TM7SF3: variants seen among roughly 807,000 people sequenced by gnomAD.
The protein encoded by TM7SF3 is transmembrane 7 superfamily member 3, also known as seven span transmembrane protein.
TM7SF3 carries 60 observed loss-of-function variants against 65.5 expected under a neutral mutation model. The observed-to-expected ratio is 0.92, with a 90% CI of 0.74 to 1.14. The LOEUF (loss-of-function observed/expected upper bound fraction) is 1.14. TM7SF3 is among the 50% of genes most tolerant of loss of function. The probability of loss-of-function intolerance (pLI) is 0.00; values close to 1 mark genes in which losing one functional copy is unlikely to be tolerated. For missense variants in TM7SF3, 623 were observed against 684.8 expected, an observed-to-expected ratio of 0.91 and a Z score of 1.01; for synonymous variants, 264 against 259.6, an observed-to-expected ratio of 1.02 and a Z score of -0.16.
In TM7SF3 at chr12:26,985,670, TATATATATAC is replaced by T. The variant is rs1168176641; in HGVS notation, c.869-2821_869-2812del. 8.9e-4 allele frequency among the ~76,000 whole-genome samples: 106 copies of T among 119,544 alleles called. 1 individual carries two copies. Among genetic ancestry groups the T allele is most frequent in the African/African-American group, 2.5e-3 (80 of 32,042 alleles). 78.4% of individuals were successfully genotyped at this position (119,544 alleles called of 152,430 possible). ...AAAAAAAAATATATATATATATATATATATATATACACACACACAAACATATCTGCCAAGG... is the reference window on the plus strand; with the variant it reads ...AAAAAAAAATATATATATATATATATACACACACAAACATATCTGCCAAGG... On this transcript the variant is annotated intron_variant, in intron 6 of 11. Coordinates refer to ENST00000343028, the MANE Select transcript of TM7SF3 (RefSeq NM_016551.3).
At chr12:26,990,348 G>C (rs1312147325) in intron 6 of TM7SF3, 102 bp downstream of exon 6, 2 of 819,720 alleles carry the variant, frequency 2.4e-6, no homozygotes, top group Admixed American at 2.5e-5. Context: ...GTGGAATAAC[G>C]TAGGGGCTCA....
Position 26,975,666 on chromosome 12 carries a change from A to G in TM7SF3, c.1288-8T>C. 2 of 1,613,530 alleles carry G rather than the reference A, an allele frequency of 1.2e-6. No homozygotes were observed. Among genetic ancestry groups the G allele is most frequent in the South Asian group, 2.2e-5 (2 of 91,038 alleles). On this transcript the variant is annotated splice_polypyrimidine_tract_variant and splice_region_variant and intron_variant, in intron 10 of 11. Coordinates refer to ENST00000343028, the MANE Select transcript of TM7SF3 (RefSeq NM_016551.3). ...ACAAGTCAGTATGTTCAGCTGTGGA[A>G]GAGTGGAAGAGTTTAGGCATCATCC...
At chr12:26,989,077 T>G (rs1940228226) in intron 6 of TM7SF3, among the ~76,000 whole-genome samples, 1 of 152,176 alleles carries the variant, frequency 6.6e-6, no homozygotes. Flanking sequence ...AATCAAGTAT[T>G]TATGTAATCA....
At chr12:26,986,298 T>A (rs1940097992) in intron 6 of TM7SF3, among the ~76,000 whole-genome samples, 1 of 152,034 alleles carries the variant, frequency 6.6e-6, no homozygotes, top group African/African-American at 2.4e-5. Flanking sequence ...CCACCATCCA[T>A]CCCCCAGGTG....
intron 3 of TM7SF3, among the ~76,000 whole-genome samples, chr12:26,999,169 G>A (rs950781755): frequency 6.6e-6 from 1 of 152,062 alleles, no homozygotes; most frequent in African/African-American, 2.4e-5. Context: ...GGCTGAGGCG[G>A]GCGAATCACA....
intron 1 of TM7SF3, among the ~76,000 whole-genome samples, chr12:27,004,401 A>T (rs1336468455): frequency 6.6e-6 from 1 of 152,224 alleles, no homozygotes; most frequent in South Asian, 2.1e-4. Context: ...TTAAATATAG[A>T]TGAAAAGGAA....
Position 26,975,994 on chromosome 12 carries a change from A to C in TM7SF3, c.1287+266T>G, listed in dbSNP as rs182584070. On this transcript the variant is annotated intron_variant, in intron 10 of 11. Transcript: ENST00000343028. ...ACCCATCAGGTTGGTGTACTAGAGT[A>C]AGCACTACCTTCTCTGCTCCCACTG... is the stretch of plus-strand genomic sequence containing the variant. Among the ~76,000 whole-genome samples, 75 of 152,362 alleles carry C rather than the reference A, an allele frequency of 4.9e-4. No individual in the cohort carries two copies. The East Asian group carries it at 0.013, about 27-fold the overall frequency.
At chr12:27,010,534 A>G (rs959224307) in intron 1 of TM7SF3, among the ~76,000 whole-genome samples, 7 of 152,242 alleles carry the variant, frequency 4.6e-5, no homozygotes, top group African/African-American at 1.7e-4. Flanking sequence ...AAAAGAAGAC[A>G]CATACTCAAA....
chr12:26,978,254 C>A (rs1939658081), intron 9 of TM7SF3: 1 of 205,134 alleles, frequency 4.9e-6, no homozygotes, highest in Non-Finnish European at 1.0e-5. Context: ...AGTTTAGAGA[C>A]AACTGCTCTA....
intron 5 of TM7SF3, among the ~76,000 whole-genome samples, chr12:26,991,141 CTTTT>C (rs35362439): frequency 2.8e-5 from 3 of 107,482 alleles, no homozygotes; most frequent in Admixed American, 1.0e-4. Flanking sequence ...AGTAGTAGTT[CTTTT>C]TTTTTTTTTT....
chr12:26,995,363 G>A lies in TM7SF3; in HGVS notation c.564C>T (p.Ser188=), dbSNP rs376318667. 294 of 1,614,042 alleles carry A rather than the reference G, an allele frequency of 1.8e-4. No homozygotes were observed. The highest frequency in any genetic ancestry group is 2.3e-4 in the Non-Finnish European group (273 of 1,180,036). Residue 188 remains serine (S), a synonymous_variant, in exon 5 of 12, where the codon TCC becomes TCT. Coordinates refer to ENST00000343028, the MANE Select transcript of TM7SF3 (RefSeq NM_016551.3). Reference sequence around the variant, plus strand: ...AGACATCATACTGCAACCTCCACCTGGAGTCCTGGTCTGTCCCAGCGTCAC... The same window carrying A: ...AGACATCATACTGCAACCTCCACCTAGAGTCCTGGTCTGTCCCAGCGTCAC... ...PPCDAGTDQD[S]RWRLQYDVYQ... is the part of the protein sequence containing the mutation.
At chr12:26,984,477 C>G (rs770209171) in intron 6 of TM7SF3, among the ~76,000 whole-genome samples, 1 of 148,656 alleles carries the variant, frequency 6.7e-6, no homozygotes, top group East Asian at 2.0e-4. Context: ...AAAGATTAAA[C>G]GAAAGATAAA....
chr12:27,011,760 C>T (rs555147645), intron 1 of TM7SF3, among the ~76,000 whole-genome samples: 131 of 152,274 alleles, frequency 8.6e-4, no homozygotes, highest in Non-Finnish European at 1.6e-3. Context: ...CCCACATTGT[C>T]CCTCTTCTGC....
chr12:26,975,575 G>T lies in TM7SF3; in HGVS notation c.1371C>A (p.Tyr457Ter). 6.2e-7 allele frequency: 1 copy of T among 1,614,170 alleles called. No individual in the cohort carries two copies. Among genetic ancestry groups the T allele is most frequent in the Non-Finnish European group, 8.5e-7 (1 of 1,179,984 alleles). Residue 457 changes from tyrosine (Y) to a stop codon, truncating the protein, a stop_gained, in exon 11 of 12, where the codon TAC (tyrosine) becomes TAA (stop). Transcript: ENST00000343028. LOFTEE classifies it high-confidence loss of function. ...IDSYWSTSLSYITLNVLKRAL... is the reference protein window; with the variant it reads ...IDSYWSTSLS Reference sequence around the variant, plus strand: ...CTCTCTTGAGTACGTTCAAAGTGATGTAGGAAAGGCTTGTGGACCAGTAAC... The same window carrying T: ...CTCTCTTGAGTACGTTCAAAGTGATTTAGGAAAGGCTTGTGGACCAGTAAC...
At chr12:27,001,416 T>A (rs1267418059) in intron 2 of TM7SF3, among the ~76,000 whole-genome samples, 1 of 152,190 alleles carries the variant, frequency 6.6e-6, no homozygotes, top group African/African-American at 2.4e-5. Flanking sequence ...ACTAATTTGT[T>A]GAGCTTTAAT....
intron 10 of TM7SF3, chr12:26,975,899 A>G (rs1592268551): frequency 1.9e-6 from 1 of 539,568 alleles, no homozygotes; most frequent in East Asian, 3.0e-5. Flanking sequence ...TATCTTCCAT[A>G]TGAAGGAACT....
intron 1 of TM7SF3, among the ~76,000 whole-genome samples, chr12:27,011,033 T>C (rs1351299671): frequency 1.3e-5 from 2 of 152,226 alleles, no homozygotes; most frequent in African/African-American, 2.4e-5. Context: ...GTCTTCATAA[T>C]TCTCTTCACA....
At chr12:26,980,707 C>G (rs942873912) in intron 7 of TM7SF3, 61 bp from the exon 8 acceptor site, 2 of 812,636 alleles carry the variant, frequency 2.5e-6, no homozygotes, top group Middle Eastern at 2.3e-4. Flanking sequence ...GGTTAAGCAC[C>G]CTTTTTACAG....
At chr12:26,999,801 T>A in intron 2 of TM7SF3, 125 bp from the exon 3 acceptor site, 1 of 954,066 alleles carries the variant, frequency 1.0e-6, no homozygotes, top group Non-Finnish European at 1.5e-6. Flanking sequence ...AAACCTTCCT[T>A]AAATAACCAG....
Sources: allele counts gnomAD v4.1 joint callset (sites outside exome capture counted in the v4.1 genomes callset), GRCh38; gene constraint gnomAD v4.1.1; transcripts MANE v1.5; gene names NCBI Gene and HGNC (gene_info 2026-07-23, HGNC 2026-07-21).